The following NEK7 variants were observed in gnomAD, a reference collection of about 807,000 sequenced individuals.
NEK7 encodes the protein serine/threonine-protein kinase Nek7.
NEK7 carries 18 observed loss-of-function variants against 44.6 expected under a neutral mutation model. The observed-to-expected ratio is 0.40, with a 90% confidence interval of 0.28 to 0.60. The LOEUF is 0.60. NEK7 is among the 20% of genes least tolerant of loss of function. The pLI is 0.38. For missense variants in NEK7, 256 were observed against 366.5 expected, an observed-to-expected ratio of 0.70 and a Z score of 2.46; for synonymous variants, 130 against 121.1, an observed-to-expected ratio of 1.07 and a Z score of -0.48.
chr1:198,185,778 A>G (rs1389044505), intron 1 of NEK7, among the ~76,000 whole-genome samples: 1 of 152,110 alleles, frequency 6.6e-6, no homozygotes, highest in Non-Finnish European at 1.5e-5. Flanking sequence ...GGCAAGGAGT[A>G]CTGAGAACTA....
intron 5 of NEK7, among the ~76,000 whole-genome samples, chr1:198,272,237 C>T (rs61831670): frequency 1.9e-3 from 289 of 151,760 alleles, no homozygotes; most frequent in Middle Eastern, 3.4e-3. Context: ...ACTTTGAACT[C>T]TGTTTGCTTG....
At chr1:198,256,804 A>G (rs1470445330) in intron 3 of NEK7, among the ~76,000 whole-genome samples, 1 of 152,190 alleles carries the variant, frequency 6.6e-6, no homozygotes, top group Admixed American at 6.6e-5. Flanking sequence ...GAGGCTTCAC[A>G]GAGTTCGTGA....
At chr1:198,236,619 C>G (rs72751043) in intron 2 of NEK7, among the ~76,000 whole-genome samples, 6,621 of 152,160 alleles carry the variant, frequency 0.044, 226 homozygotes, top group Middle Eastern at 0.065. Flanking sequence ...GAAACTGAAG[C>G]AGTCAGAAGA....
intron 1 of NEK7, among the ~76,000 whole-genome samples, chr1:198,199,889 A>C (rs2884765): frequency 6.6e-6 from 1 of 151,978 alleles, no homozygotes; most frequent in African/African-American, 2.4e-5. Flanking sequence ...TTGTTTTTCA[A>C]TTCGAGCTTT....
intron 2 of NEK7, among the ~76,000 whole-genome samples, chr1:198,249,005 G>A (rs1571570281): frequency 1.3e-5 from 2 of 150,490 alleles, no homozygotes; most frequent in East Asian, 3.9e-4. Context: ...ACGTCATTTA[G>A]CATTAGGTAT....
At chr1:198,288,755 C>T (rs1395471595) in intron 7 of NEK7, among the ~76,000 whole-genome samples, 1 of 152,064 alleles carries the variant, frequency 6.6e-6, no homozygotes, top group African/African-American at 2.4e-5. Context: ...ACCACAGGAC[C>T]TAGAATTGTG....
chr1:198,227,536 T>G (rs1363161046), intron 1 of NEK7, among the ~76,000 whole-genome samples: 3 of 152,192 alleles, frequency 2.0e-5, no homozygotes, highest in Admixed American at 6.5e-5. Context: ...ACCTGTTGTT[T>G]CCTGGCTTTT....
rs1317519660 is a variant in NEK7, at chr1:198,242,204, G to A, written c.57+9567G>A. On this transcript the variant is annotated intron_variant, in intron 2 of 9. Coordinates refer to ENST00000367385, the MANE Select transcript of NEK7 (RefSeq NM_133494.3). ...GGCCACACCTACTACCTCCTGTCCA[G>A]TCTCCCTGCTTCCATTCTTGCTCTA... Among the ~76,000 whole-genome samples, 3 of 151,920 alleles carry A rather than the reference G, an allele frequency of 2.0e-5. 1 individual carries two copies. The East Asian group carries it at 5.8e-4, about 29-fold the overall frequency.
At chr1:198,162,956 G>A (rs902693922) in intron 1 of NEK7, among the ~76,000 whole-genome samples, 1 of 152,044 alleles carries the variant, frequency 6.6e-6, no homozygotes, top group African/African-American at 2.4e-5. Flanking sequence ...AATTAAAAAT[G>A]TTCTTCCTAG....
intron 8 of NEK7, among the ~76,000 whole-genome samples, chr1:198,294,376 ATGTTTAAAAGTTAGTCACTC>A (rs1353073701): frequency 6.6e-6 from 1 of 152,056 alleles, no homozygotes; most frequent in Non-Finnish European, 1.5e-5. Context: ...TGTTACTATA[ATGTTTAAAAGTTAGTCACTC>A]TGTACATTTA....
chr1:198,251,192 A>G (rs1260559547), intron 2 of NEK7, among the ~76,000 whole-genome samples: 1 of 151,946 alleles, frequency 6.6e-6, no homozygotes, highest in Non-Finnish European at 1.5e-5. Flanking sequence ...TGATTTGCGT[A>G]TACTGAACCA....
chr1:198,222,034 A>G (rs1173897486), intron 1 of NEK7, among the ~76,000 whole-genome samples: 1 of 151,904 alleles, frequency 6.6e-6, no homozygotes, highest in Non-Finnish European at 1.5e-5. Flanking sequence ...CATATGAATT[A>G]TGAAAATTCA....
chr1:198,236,111 C>G (rs937761170), intron 2 of NEK7, among the ~76,000 whole-genome samples: 1 of 152,080 alleles, frequency 6.6e-6, no homozygotes, highest in Non-Finnish European at 1.5e-5. Context: ...CATTGTAGGC[C>G]AGCCAGAAAG....
intron 1 of NEK7, among the ~76,000 whole-genome samples, chr1:198,208,241 ATTGT>A (rs909364664): frequency 3.3e-5 from 5 of 152,140 alleles, no homozygotes; most frequent in Admixed American, 3.3e-4. Context: ...TATGTGCAAA[ATTGT>A]TTGTACAAAT....
At chr1:198,199,875 ATT>A (rs1220149966) in intron 1 of NEK7, among the ~76,000 whole-genome samples, 1 of 152,084 alleles carries the variant, frequency 6.6e-6, no homozygotes, top group African/African-American at 2.4e-5. Context: ...TAGTTGGATA[ATT>A]TTTGTTTTTC....
intron 1 of NEK7, among the ~76,000 whole-genome samples, chr1:198,162,206 A>G (rs1028453061): frequency 2.0e-5 from 3 of 152,180 alleles, no homozygotes; most frequent in African/African-American, 7.2e-5. Context: ...AAAATTACAC[A>G]GTACACTTTC....
intron 5 of NEK7, among the ~76,000 whole-genome samples, chr1:198,274,510 T>C (rs925046097): frequency 6.6e-6 from 1 of 151,836 alleles, no homozygotes; most frequent in Non-Finnish European, 1.5e-5. Flanking sequence ...TGTCAAACTT[T>C]ATGCTTAAAT....
intron 1 of NEK7, among the ~76,000 whole-genome samples, chr1:198,172,123 G>A (rs73075158): frequency 6.6e-6 from 1 of 152,036 alleles, no homozygotes; most frequent in Non-Finnish European, 1.5e-5. Context: ...AAACAAAAAC[G>A]AGTTAATGAA....
intron 3 of NEK7, chr1:198,256,277 ATTCAGGGC>A: frequency 6.6e-7 from 1 of 1,504,258 alleles, no homozygotes; most frequent in Non-Finnish European, 8.9e-7. Flanking sequence ...TAGTTCACTG[ATTCAGGGC>A]TATTAACAAA....
Sources: allele counts gnomAD v4.1 joint callset (sites outside exome capture counted in the v4.1 genomes callset), GRCh38; gene constraint gnomAD v4.1.1; transcripts MANE v1.5; gene names NCBI Gene and HGNC (gene_info 2026-07-23, HGNC 2026-07-21).